Variants in KLF12 observed in about 807,000 individuals in gnomAD.
KLF12 encodes KLF transcription factor 12.
KLF12 carries 9 observed loss-of-function variants against 37.8 expected under a neutral mutation model. That is an observed-to-expected ratio of 0.24 (90% CI 0.14 to 0.42). KLF12 has a LOEUF of 0.42. Ranked by LOEUF, KLF12 falls within the 10% of genes least tolerant of loss-of-function variation. KLF12 has a pLI of 1.00. For missense variants in KLF12, 411 were observed against 516.0 expected, an observed-to-expected ratio of 0.80 and a Z score of 1.97; for synonymous variants, 208 against 202.1, an observed-to-expected ratio of 1.03 and a Z score of -0.25.
chr13:74,053,261 T>A (rs964490596), intron 1 of KLF12, among the ~76,000 whole-genome samples: 1 of 152,196 alleles, frequency 6.6e-6, no homozygotes. Flanking sequence ...ACTGACTATA[T>A]CCTACACATA....
chr13:73,763,411 G>A (rs1308645612), intron 6 of KLF12, among the ~76,000 whole-genome samples: 1 of 152,104 alleles, frequency 6.6e-6, no homozygotes, highest in East Asian at 1.9e-4. Context: ...CAGTGCCTGG[G>A]ACTGTAAATA....
chr13:74,225,294 C>G, the KLF12 span, among the ~76,000 whole-genome samples: 1 of 152,242 alleles, frequency 6.6e-6, no homozygotes, highest in African/African-American at 2.4e-5. Flanking sequence ...GACTAGAATG[C>G]CAATTTCCCT....
chr13:74,107,805 A>G (rs997255658), intron 1 of KLF12, among the ~76,000 whole-genome samples: 9 of 152,220 alleles, frequency 5.9e-5, no homozygotes, highest in African/African-American at 2.2e-4. Flanking sequence ...ATGAAGAGCA[A>G]AGAGAAGAAA....
At chr13:73,803,780 A>T (rs879477800) in intron 5 of KLF12, among the ~76,000 whole-genome samples, 9,805 of 95,262 alleles carry the variant, frequency 0.1, 346 homozygotes, top group African/African-American at 0.12. Context: ...AGTCACACAC[A>T]CACACACACA....
At chr13:73,770,976 G>A (rs1438181391) in intron 5 of KLF12, among the ~76,000 whole-genome samples, 1 of 152,130 alleles carries the variant, frequency 6.6e-6, no homozygotes, top group African/African-American at 2.4e-5. Flanking sequence ...TCTAAAAAGA[G>A]CATTTGGTGT....
At chr13:74,082,412 T>C (rs994459245) in intron 1 of KLF12, among the ~76,000 whole-genome samples, 4 of 152,196 alleles carry the variant, frequency 2.6e-5, no homozygotes, top group African/African-American at 9.6e-5. Context: ...ATACTACTTA[T>C]ACTATAGGTA....
chr13:73,728,099 T>C (rs915002661), intron 6 of KLF12, among the ~76,000 whole-genome samples: 1 of 152,248 alleles, frequency 6.6e-6, no homozygotes, highest in South Asian at 2.1e-4. Context: ...ACCATGAATA[T>C]AGGACATCTT....
At chr13:74,212,122 A>G in the KLF12 span, among the ~76,000 whole-genome samples, 1 of 152,190 alleles carries the variant, frequency 6.6e-6, no homozygotes, top group Non-Finnish European at 1.5e-5. Flanking sequence ...CTAGTGTTTT[A>G]GTTATCTTGC....
At chr13:74,145,847 G>A in the KLF12 span, among the ~76,000 whole-genome samples, 1 of 152,096 alleles carries the variant, frequency 6.6e-6, no homozygotes, top group Non-Finnish European at 1.5e-5. Flanking sequence ...GTTAATAGCA[G>A]ACATCCTCAA....
chr13:73,718,394 C>G (rs1274624674), intron 6 of KLF12, among the ~76,000 whole-genome samples: 1 of 152,200 alleles, frequency 6.6e-6, no homozygotes, highest in Non-Finnish European at 1.5e-5. Context: ...ACTGTGAGTT[C>G]TGAATTTACA....
chr13:73,750,961 G>A (rs188208491), intron 6 of KLF12, among the ~76,000 whole-genome samples: 62 of 152,260 alleles, frequency 4.1e-4, no homozygotes, highest in South Asian at 2.1e-4. Flanking sequence ...AGTGTTAAGG[G>A]CTTTGGACTT....
the KLF12 span, among the ~76,000 whole-genome samples, chr13:74,153,282 G>T: frequency 6.6e-6 from 1 of 152,140 alleles, no homozygotes; most frequent in Non-Finnish European, 1.5e-5. Flanking sequence ...GTCAGCTCAT[G>T]ATTCTTTCTC....
At chr13:74,202,932 A>T in the KLF12 span, among the ~76,000 whole-genome samples, 2 of 152,136 alleles carry the variant, frequency 1.3e-5, no homozygotes, top group South Asian at 4.1e-4. Flanking sequence ...CAAGACCAGC[A>T]TGTTAATAAT....
At chr13:73,966,510 G>C (rs1593790428) in intron 2 of KLF12, among the ~76,000 whole-genome samples, 1 of 152,328 alleles carries the variant, frequency 6.6e-6, no homozygotes, top group Non-Finnish European at 1.5e-5. Flanking sequence ...TGAAATCTCT[G>C]TTCCTTGGGG....
the KLF12 span, among the ~76,000 whole-genome samples, chr13:74,169,495 A>G: frequency 6.6e-6 from 1 of 152,238 alleles, no homozygotes; most frequent in African/African-American, 2.4e-5. Context: ...ACTAATACAG[A>G]GAGCAATTGT....
At chr13:74,221,591 A>G in the KLF12 span, among the ~76,000 whole-genome samples, 1 of 152,146 alleles carries the variant, frequency 6.6e-6, no homozygotes, top group Admixed American at 6.5e-5. Context: ...GCCTCCTTAC[A>G]TATTTCTATT....
intron 2 of KLF12, among the ~76,000 whole-genome samples, chr13:73,993,223 C>G (rs1892019549): frequency 6.6e-6 from 1 of 152,208 alleles, no homozygotes; most frequent in Non-Finnish European, 1.5e-5. Context: ...CAGAGCGAGA[C>G]TCCATCTCAA....
chr13:73,875,019 T>C (rs1886636844), intron 3 of KLF12, among the ~76,000 whole-genome samples: 1 of 152,156 alleles, frequency 6.6e-6, no homozygotes, highest in African/African-American at 2.4e-5. Flanking sequence ...TTTACAATTA[T>C]GTTTCAACAC....
intron 3 of KLF12, among the ~76,000 whole-genome samples, chr13:73,935,152 G>T (rs1258603048): frequency 1.3e-5 from 2 of 151,436 alleles, no homozygotes; most frequent in East Asian, 1.9e-4. Flanking sequence ...GCTAATTTTT[G>T]TATTTTTTTA....
Sources: allele counts gnomAD v4.1 joint callset (sites outside exome capture counted in the v4.1 genomes callset), GRCh38; gene constraint gnomAD v4.1.1; transcripts MANE v1.5; gene names NCBI Gene and HGNC (gene_info 2026-07-23, HGNC 2026-07-21).